RORA: variants seen among roughly 807,000 people sequenced by gnomAD.
RORA encodes the protein nuclear receptor ROR-alpha.
In RORA, 7 loss-of-function variants were observed where a neutral mutation model predicts 69.5. The ratio of observed to expected loss-of-function variants is 0.10; its 90% confidence interval spans 0.06 to 0.19. The LOEUF (loss-of-function observed/expected upper bound fraction) is 0.19, where lower values mean the gene tolerates loss of function less well. RORA is among the 10% of genes least tolerant of loss of function. The probability of loss-of-function intolerance (pLI) is 1.00; values close to 1 mark genes in which losing one functional copy is unlikely to be tolerated. For synonymous variants in RORA, 261 were observed against 240.8 expected (o/e 1.08, Z -0.78); for missense variants, 457 against 663.0 (o/e 0.69, Z 3.41).
rs114206869 is a variant in RORA at position 60,735,873 on chromosome 15, G to A, written c.167-57187C>T. Among the ~76,000 whole-genome samples, 792 of 152,292 alleles carry A rather than the reference G, an allele frequency of 5.2e-3. 7 individuals carry two copies. The highest frequency in any genetic ancestry group is 0.018 in the African/African-American group (768 of 41,556). On this transcript the variant is annotated intron_variant, in intron 1 of 10. Transcript: ENST00000335670. ...GCAGCAAAAGTGTCACCAGCAGGAA[G>A]GTCAACTCACCATTGGAGACAGACT... is the stretch of plus-strand genomic sequence containing the variant.
intron 1 of RORA, among the ~76,000 whole-genome samples, chr15:61,216,571 A>T (rs576860176): frequency 6.6e-6 from 1 of 152,166 alleles, no homozygotes; most frequent in East Asian, 1.9e-4. Flanking sequence ...GTGAAAAGTG[A>T]AGTCTCTGAG....
chr15:61,197,112 G>A (rs1409091374), intron 1 of RORA, among the ~76,000 whole-genome samples: 1 of 152,222 alleles, frequency 6.6e-6, no homozygotes. Context: ...ACTTCCCGGT[G>A]CCACACCCGG....
At chr15:60,721,423 A>C (rs1249532852) in intron 1 of RORA, among the ~76,000 whole-genome samples, 4 of 152,254 alleles carry the variant, frequency 2.6e-5, no homozygotes, top group African/African-American at 9.6e-5. Context: ...TGAGGAGACC[A>C]AGGCTGGGCT....
chr15:60,874,062 T>G (rs2073587583), intron 1 of RORA, among the ~76,000 whole-genome samples: 1 of 152,208 alleles, frequency 6.6e-6, no homozygotes, highest in Admixed American at 6.5e-5. Context: ...AAGAAAAACC[T>G]ACAACAGCTG....
At chr15:60,930,642 C>T (rs1892347670) in intron 1 of RORA, among the ~76,000 whole-genome samples, 1 of 152,176 alleles carries the variant, frequency 6.6e-6, no homozygotes, top group East Asian at 1.9e-4. Context: ...CTCATTATGC[C>T]CAATTCACTG....
At chr15:60,650,209 G>GA (rs755752094) in intron 2 of RORA, among the ~76,000 whole-genome samples, 2,215 of 141,996 alleles carry the variant, frequency 0.016, 35 homozygotes, top group African/African-American at 0.046. Flanking sequence ...AAGGCCTGAG[G>GA]AAAAAAAAAA....
At chr15:60,977,853 T>C (rs756486966) in intron 1 of RORA, among the ~76,000 whole-genome samples, 3 of 152,228 alleles carry the variant, frequency 2.0e-5, no homozygotes, top group Non-Finnish European at 2.9e-5. Context: ...TGCATGCCCA[T>C]TGATCAGCTA....
chr15:60,806,820 G>C (rs1281706329), intron 1 of RORA, among the ~76,000 whole-genome samples: 1 of 152,108 alleles, frequency 6.6e-6, no homozygotes. Flanking sequence ...AGGAGAAAAA[G>C]GCAGGCTTGA....
intron 1 of RORA, among the ~76,000 whole-genome samples, chr15:60,763,096 T>TTTTTTTTTTTTA (rs375632043): frequency 1.1e-4 from 12 of 109,426 alleles, no homozygotes; most frequent in Admixed American, 4.9e-4. Flanking sequence ...TTTTTTTTTT[T>TTTTTTTTTTTTA]AACCAACCTA....
chr15:60,695,382 T>C (rs1401169204), intron 1 of RORA, among the ~76,000 whole-genome samples: 2 of 152,130 alleles, frequency 1.3e-5, no homozygotes, highest in Non-Finnish European at 2.9e-5. Context: ...TTTTTGAGGG[T>C]GCCAATATCC....
chr15:60,981,529 A>G (rs938758259), intron 1 of RORA, among the ~76,000 whole-genome samples: 1 of 151,828 alleles, frequency 6.6e-6, no homozygotes, highest in Admixed American at 6.6e-5. Context: ...GATACTCTCA[A>G]TTTACCTGTT....
chr15:60,805,609 A>T (rs916742131), intron 1 of RORA, among the ~76,000 whole-genome samples: 3 of 152,130 alleles, frequency 2.0e-5, no homozygotes, highest in Non-Finnish European at 2.9e-5. Context: ...AACACTTAAC[A>T]CCTAGTTAGC....
intron 1 of RORA, among the ~76,000 whole-genome samples, chr15:61,107,887 C>G (rs2078966727): frequency 6.6e-6 from 1 of 151,830 alleles, no homozygotes; most frequent in Admixed American, 6.6e-5. Context: ...ACCTTCTGAC[C>G]AGATCAAAAA....
chr15:61,123,851 T>A (rs782936), intron 1 of RORA, among the ~76,000 whole-genome samples: 80,706 of 152,038 alleles, frequency 0.53, 22,404 homozygotes, highest in East Asian at 0.71. Context: ...GCATGACCCT[T>A]CTGTCTACTT....
chr15:60,786,313 A>G (rs1246121127), intron 1 of RORA, among the ~76,000 whole-genome samples: 1 of 152,270 alleles, frequency 6.6e-6, no homozygotes, highest in Non-Finnish European at 1.5e-5. Flanking sequence ...GTCAGGGGAT[A>G]AAACAAGATA....
At chr15:60,969,353 T>A (rs1000580169) in intron 1 of RORA, among the ~76,000 whole-genome samples, 1 of 152,218 alleles carries the variant, frequency 6.6e-6, no homozygotes, top group Non-Finnish European at 1.5e-5. Context: ...TTATAATCTG[T>A]TACTATCATT....
chr15:61,072,901 G>A (rs1043271362), intron 1 of RORA, among the ~76,000 whole-genome samples: 1 of 152,252 alleles, frequency 6.6e-6, no homozygotes, highest in African/African-American at 2.4e-5. Context: ...TAATAAAAGT[G>A]TTGGAAGCAT....
At chr15:61,179,790 T>C (rs912972819) in intron 1 of RORA, among the ~76,000 whole-genome samples, 2 of 152,162 alleles carry the variant, frequency 1.3e-5, no homozygotes, top group Non-Finnish European at 2.9e-5. Flanking sequence ...ATAACCATCT[T>C]CAGGTCCTCC....
intron 1 of RORA, among the ~76,000 whole-genome samples, chr15:60,849,344 T>C (rs897935093): frequency 6.6e-6 from 1 of 152,210 alleles, no homozygotes; most frequent in South Asian, 2.1e-4. Flanking sequence ...CTTTGAAACA[T>C]TCACTTATAG....
Sources: allele counts gnomAD v4.1 joint callset (sites outside exome capture counted in the v4.1 genomes callset), GRCh38; gene constraint gnomAD v4.1.1; transcripts MANE v1.5; gene names NCBI Gene and HGNC (gene_info 2026-07-23, HGNC 2026-07-21).